CSMD1: variants seen among roughly 807,000 people sequenced by gnomAD.
CSMD1 encodes the protein CUB and Sushi multiple domains 1.
In CSMD1, 213 loss-of-function variants were observed where a neutral mutation model predicts 417.5. That is an observed-to-expected ratio of 0.51 (90% CI 0.46 to 0.57). The LOEUF (loss-of-function observed/expected upper bound fraction) is 0.57. Among genes scored for constraint, CSMD1 ranks in the 20% least tolerant of loss-of-function variants. CSMD1 has a pLI of 0.00. For synonymous variants in CSMD1, 2,862 were observed against 1,736.8 expected (o/e 1.65, Z -16.11); for missense variants, 6,923 against 4,529.7 (o/e 1.53, Z -15.17).
chr8:3,947,028 T>C (rs753645319), intron 5 of CSMD1, among the ~76,000 whole-genome samples: 3 of 152,168 alleles, frequency 2.0e-5, no homozygotes, highest in Non-Finnish European at 2.9e-5. Context: ...TGTCTGTATT[T>C]TTCTTGTTCA....
At chr8:4,405,754 C>T (rs892266549) in intron 3 of CSMD1, among the ~76,000 whole-genome samples, 1 of 152,154 alleles carries the variant, frequency 6.6e-6, no homozygotes, top group African/African-American at 2.4e-5. Flanking sequence ...CCAGACACCC[C>T]AGAAACAGTT....
chr8:3,411,189 G>C (rs1483301979), intron 12 of CSMD1, among the ~76,000 whole-genome samples: 1 of 152,160 alleles, frequency 6.6e-6, no homozygotes, highest in Admixed American at 6.5e-5. Context: ...GAAGAGCAGA[G>C]GCAGGTGAAA....
At chr8:3,965,060 A>G (rs970936893) in intron 5 of CSMD1, among the ~76,000 whole-genome samples, 5 of 152,200 alleles carry the variant, frequency 3.3e-5, no homozygotes, top group Non-Finnish European at 7.3e-5. Flanking sequence ...TTGAGATAAA[A>G]TCCATAAAGC....
At chr8:4,758,252 A>G (rs1042250840) in intron 1 of CSMD1, among the ~76,000 whole-genome samples, 1 of 152,170 alleles carries the variant, frequency 6.6e-6, no homozygotes, top group Non-Finnish European at 1.5e-5. Flanking sequence ...CCCACCGACT[A>G]TAATGAAGGA....
At chr8:3,926,266 C>A (rs1369724122) in intron 5 of CSMD1, among the ~76,000 whole-genome samples, 1 of 152,162 alleles carries the variant, frequency 6.6e-6, no homozygotes. Flanking sequence ...CAATCCATGT[C>A]CTCTCTAACC....
At chr8:4,974,352 T>G (rs912931593) in intron 1 of CSMD1, among the ~76,000 whole-genome samples, 3 of 152,136 alleles carry the variant, frequency 2.0e-5, no homozygotes, top group African/African-American at 7.2e-5. Flanking sequence ...GTCTCACATG[T>G]CGGTTAGCAC....
At chr8:3,470,498 G>C (rs999999451) in intron 11 of CSMD1, among the ~76,000 whole-genome samples, 4 of 152,208 alleles carry the variant, frequency 2.6e-5, no homozygotes, top group East Asian at 1.9e-4. Flanking sequence ...CAACCTACCA[G>C]CCTCGTTAAA....
In CSMD1 at chr8:3,110,250, G is replaced by A; in HGVS notation, c.6516C>T (p.Cys2172=). 6.2e-7 allele frequency: 1 copy of A among 1,613,456 alleles called. No homozygotes were observed. ...FPDEYPILKD[C]IWLITVPPGH... ...CTGGAGGCACCGTGATGAGCCAAAT[G>A]CAGTCCTTCAGGATCGGATACTCAT... Residue 2172 remains cysteine (C), a synonymous_variant, in exon 43 of 70, where the codon TGC becomes TGT. Transcript: ENST00000635120.
intron 1 of CSMD1, among the ~76,000 whole-genome samples, chr8:4,755,510 T>G (rs1295403790): frequency 6.6e-6 from 1 of 152,314 alleles, no homozygotes; most frequent in Admixed American, 6.5e-5. Context: ...AAAATTGATG[T>G]TTCCTGCTTT....
chr8:4,688,054 C>T (rs1563144383), intron 1 of CSMD1, among the ~76,000 whole-genome samples: 2 of 151,998 alleles, frequency 1.3e-5, no homozygotes, highest in African/African-American at 4.8e-5. Context: ...AATTGATTGC[C>T]CTATGGCTCA....
intron 37 of CSMD1, among the ~76,000 whole-genome samples, chr8:3,175,568 C>T (rs1338120282): frequency 1.4e-5 from 2 of 145,480 alleles, no homozygotes; most frequent in Non-Finnish European, 3.0e-5. Context: ...TCCCTGCCTT[C>T]CTTCCTTCCT....
At position 4,181,411 on chromosome 8, in the gene CSMD1, CT is replaced by C. The variant is rs578034357; in HGVS notation, c.416-149313del. Among the ~76,000 whole-genome samples the C allele has an allele frequency of 3.2e-3, 481 of 151,668 alleles. 19 individuals carry two copies. The highest frequency in any genetic ancestry group is 0.029 in the Admixed American group (444 of 15,230). ...AAACTATAAGGCAGGGTTCTCCAATCTTTTGGCTTCCCTGGGCAACATTGGA... is the reference window on the plus strand; with the variant it reads ...AAACTATAAGGCAGGGTTCTCCAATCTTTGGCTTCCCTGGGCAACATTGGA... On this transcript the variant is annotated intron_variant, in intron 3 of 69. Transcript: ENST00000635120.
At chr8:4,483,351 A>T (rs1313264397) in intron 2 of CSMD1, among the ~76,000 whole-genome samples, 1 of 152,204 alleles carries the variant, frequency 6.6e-6, no homozygotes, top group Non-Finnish European at 1.5e-5. Flanking sequence ...ATGAACAAAT[A>T]CACCAGTAGA....
intron 2 of CSMD1, among the ~76,000 whole-genome samples, chr8:4,446,944 A>G (rs983329167): frequency 1.3e-5 from 2 of 151,694 alleles, no homozygotes; most frequent in African/African-American, 4.9e-5. Flanking sequence ...TTTAAAAAAA[A>G]AAAAAACATT....
intron 40 of CSMD1, among the ~76,000 whole-genome samples, chr8:3,145,573 G>T (rs1818792182): frequency 6.6e-6 from 1 of 152,150 alleles, no homozygotes; most frequent in African/African-American, 2.4e-5. Context: ...ACCATTTTAA[G>T]CAGGATAAAT....
At chr8:4,073,294 A>C (rs1000969491) in intron 3 of CSMD1, among the ~76,000 whole-genome samples, 3 of 152,176 alleles carry the variant, frequency 2.0e-5, no homozygotes, top group Non-Finnish European at 4.4e-5. Flanking sequence ...GAAGAGAGTA[A>C]AGAAATTTAG....
intron 4 of CSMD1, among the ~76,000 whole-genome samples, chr8:4,005,574 G>C (rs1412486371): frequency 2.6e-5 from 4 of 152,146 alleles, no homozygotes; most frequent in African/African-American, 9.7e-5. Flanking sequence ...TATTGTGTAA[G>C]GACGTTCCAC....
At chr8:3,943,738 C>G (rs1028875420) in intron 5 of CSMD1, among the ~76,000 whole-genome samples, 2 of 152,014 alleles carry the variant, frequency 1.3e-5, no homozygotes, top group African/African-American at 4.8e-5. Context: ...TATGAATCAC[C>G]TGAATCTAAT....
intron 29 of CSMD1, among the ~76,000 whole-genome samples, chr8:3,218,445 C>G (rs748256221): frequency 6.6e-6 from 1 of 151,646 alleles, no homozygotes. Flanking sequence ...CCTGTAGTCC[C>G]AGCTACTCGG....
Sources: allele counts gnomAD v4.1 joint callset (sites outside exome capture counted in the v4.1 genomes callset), GRCh38; gene constraint gnomAD v4.1.1; transcripts MANE v1.5; gene names NCBI Gene and HGNC (gene_info 2026-07-23, HGNC 2026-07-21).